Variants in TOP6BL observed in about 807,000 individuals in gnomAD.
The protein encoded by TOP6BL is TOP6B like initiator of meiotic double strand breaks.
At chr11:66,806,833 A>G in the TOP6BL span, among the ~76,000 whole-genome samples, 1 of 152,228 alleles carries the variant, frequency 6.6e-6, no homozygotes, top group East Asian at 1.9e-4. Flanking sequence ...TCAGATATCA[A>G]AAGATACCAT....
At chr11:66,773,606 T>C in the TOP6BL span, among the ~76,000 whole-genome samples, 1 of 152,226 alleles carries the variant, frequency 6.6e-6, no homozygotes, top group Non-Finnish European at 1.5e-5. Context: ...ATTTACACTC[T>C]GATCTTTTAT....
At chr11:66,804,126 C>T in the TOP6BL span, 1 of 1,613,958 alleles carries the variant, frequency 6.2e-7, no homozygotes, top group Non-Finnish European at 8.5e-7. Flanking sequence ...CTGACTCCAG[C>T]AGCTGCACTG....
the TOP6BL span, among the ~76,000 whole-genome samples, chr11:66,806,135 C>T: frequency 1.3e-5 from 2 of 152,076 alleles, no homozygotes; most frequent in African/African-American, 4.8e-5. Flanking sequence ...CAGTTTCCTC[C>T]ATAGGTAAGA....
the TOP6BL span, chr11:66,800,937 C>T: frequency 6.1e-6 from 8 of 1,317,892 alleles, no homozygotes; most frequent in Non-Finnish European, 7.5e-6. Context: ...CTAGTAATCG[C>T]TGGGGTGGTA....
chr11:66,828,219 G>C, the TOP6BL span: 7 of 1,390,064 alleles, frequency 5.0e-6, no homozygotes, highest in Non-Finnish European at 7.1e-6. Flanking sequence ...TTCCCCCTTG[G>C]TTTCCAGTAC....
At chr11:66,751,880 G>A in the TOP6BL span, among the ~76,000 whole-genome samples, 2 of 152,010 alleles carry the variant, frequency 1.3e-5, no homozygotes, top group Admixed American at 1.3e-4. Context: ...TTTATTTTCT[G>A]TTTTTATCAT....
chr11:66,798,597 CAA>C, the TOP6BL span, among the ~76,000 whole-genome samples: 10 of 43,238 alleles, frequency 2.3e-4, no homozygotes, highest in South Asian at 1.6e-3. Flanking sequence ...GACTCTGTCT[CAA>C]AAAAAAAAAA....
chr11:66,813,544 C>T, the TOP6BL span, among the ~76,000 whole-genome samples: 1 of 152,062 alleles, frequency 6.6e-6, no homozygotes, highest in African/African-American at 2.4e-5. Flanking sequence ...ACCATCCTGG[C>T]CAACATGGTG....
the TOP6BL span, among the ~76,000 whole-genome samples, chr11:66,811,319 G>C: frequency 2.6e-5 from 4 of 152,200 alleles, no homozygotes; most frequent in African/African-American, 9.6e-5. Flanking sequence ...AGCCTCCCGA[G>C]TAGCTGGGAC....
the TOP6BL span, among the ~76,000 whole-genome samples, chr11:66,835,828 C>T: frequency 6.6e-6 from 1 of 152,088 alleles, no homozygotes; most frequent in South Asian, 2.1e-4. Context: ...AAGTTTTTTC[C>T]ACTTTTCGGC....
chr11:66,843,476 T>G, the TOP6BL span: 1 of 1,444,504 alleles, frequency 6.9e-7, no homozygotes, highest in Non-Finnish European at 9.0e-7. Flanking sequence ...TGGGCGGGGA[T>G]GGGCTGCGAC....
chr11:66,763,709 A>G, the TOP6BL span, among the ~76,000 whole-genome samples: 1 of 152,126 alleles, frequency 6.6e-6, no homozygotes, highest in Non-Finnish European at 1.5e-5. Flanking sequence ...GACTTGAGCC[A>G]TCCTCCAGCC....
chr11:66,794,428 T>C, the TOP6BL span, among the ~76,000 whole-genome samples: 4 of 152,208 alleles, frequency 2.6e-5, no homozygotes, highest in African/African-American at 4.8e-5. Flanking sequence ...TAAAGATTTA[T>C]AGCCAAGTTG....
chr11:66,753,356 C>T, the TOP6BL span, among the ~76,000 whole-genome samples: 1 of 150,206 alleles, frequency 6.7e-6, no homozygotes, highest in South Asian at 2.1e-4. Flanking sequence ...GGGGTAGGCT[C>T]GGGAATTGGT....
chr11:66,803,908 G>A, the TOP6BL span: 2 of 1,103,270 alleles, frequency 1.8e-6, no homozygotes, highest in Non-Finnish European at 2.6e-6. Flanking sequence ...ACATATGCTA[G>A]AGGTTACAAA....
At chr11:66,822,450 G>A in the TOP6BL span, 8 of 656,966 alleles carry the variant, frequency 1.2e-5, no homozygotes, top group Non-Finnish European at 1.9e-5. Flanking sequence ...TTTGTTGATG[G>A]ATAGGAAGAA....
chr11:66,777,961 T>G, the TOP6BL span, among the ~76,000 whole-genome samples: 2 of 152,354 alleles, frequency 1.3e-5, no homozygotes, highest in Admixed American at 1.3e-4. Context: ...TTTCAATTAC[T>G]TAAAATATTT....
the TOP6BL span, chr11:66,756,536 T>A: frequency 9.9e-7 from 1 of 1,012,142 alleles, no homozygotes; most frequent in Non-Finnish European, 1.2e-6. Context: ...CTCCACATCC[T>A]ATCCAGCCCT....
chr11:66,768,505 CAT>C, the TOP6BL span, among the ~76,000 whole-genome samples: 2 of 152,050 alleles, frequency 1.3e-5, no homozygotes, highest in Admixed American at 6.6e-5. Flanking sequence ...TTTGTAGACT[CAT>C]AGGTTGCTGG....
Sources: gnomAD v4.1 joint callset for allele counts (sites outside exome capture counted in the v4.1 genomes callset) on GRCh38, gnomAD v4.1.1 for gene constraint, MANE v1.5 for transcripts, NCBI Gene and HGNC (gene_info 2026-07-23, HGNC 2026-07-21) for gene names.